Variants in LRMDA observed in about 807,000 individuals in gnomAD.
LRMDA encodes leucine-rich melanocyte differentiation-associated protein.
In LRMDA, 18 loss-of-function variants were observed where a neutral mutation model predicts 29.8. The ratio of observed to expected loss-of-function variants is 0.60; its 90% confidence interval spans 0.42 to 0.90. The LOEUF (loss-of-function observed/expected upper bound fraction) is 0.90, where lower values mean the gene tolerates loss of function less well. Ranked by LOEUF, LRMDA falls within the 40% of genes least tolerant of loss-of-function variation. The probability of loss-of-function intolerance (pLI) is 0.00; values close to 1 mark genes in which losing one functional copy is unlikely to be tolerated. For missense variants in LRMDA, 273 were observed against 273.9 expected, an observed-to-expected ratio of 1.00 and a Z score of 0.02; for synonymous variants, 125 against 109.4, an observed-to-expected ratio of 1.14 and a Z score of -0.89.
At chr10:75,854,400 G>A (rs2132314327) in intron 2 of LRMDA, among the ~76,000 whole-genome samples, 1 of 151,858 alleles carries the variant, frequency 6.6e-6, no homozygotes, top group Non-Finnish European at 1.5e-5. Context: ...TATTAATATT[G>A]GCCACCCCCC....
At chr10:75,938,116 T>G (rs993282963) in intron 2 of LRMDA, among the ~76,000 whole-genome samples, 2 of 152,164 alleles carry the variant, frequency 1.3e-5, no homozygotes, top group African/African-American at 4.8e-5. Context: ...TTTCTTTAGG[T>G]CTCTCCTTTC....
chr10:75,660,935 T>C (rs1244045059), intron 2 of LRMDA, among the ~76,000 whole-genome samples: 1 of 152,220 alleles, frequency 6.6e-6, no homozygotes, highest in Non-Finnish European at 1.5e-5. Context: ...TGCTCTGTCT[T>C]GAACTCAGAA....
intron 2 of LRMDA, among the ~76,000 whole-genome samples, chr10:75,641,673 C>G (rs900028761): frequency 6.6e-6 from 1 of 151,918 alleles, no homozygotes; most frequent in Non-Finnish European, 1.5e-5. Flanking sequence ...TTCCTGGGCT[C>G]AAGCTGTCTT....
At chr10:75,531,087 C>T (rs1845472210) in intron 2 of LRMDA, among the ~76,000 whole-genome samples, 1 of 152,190 alleles carries the variant, frequency 6.6e-6, no homozygotes, top group African/African-American at 2.4e-5. Context: ...CTGGGCATGT[C>T]TCTTGAGTGT....
intron 6 of LRMDA, among the ~76,000 whole-genome samples, chr10:76,511,554 T>C (rs541297084): frequency 6.6e-6 from 1 of 152,152 alleles, no homozygotes; most frequent in South Asian, 2.1e-4. Context: ...AAGATCAATA[T>C]GTGAAAAATC....
In LRMDA at chr10:75,605,640, G is replaced by C. The variant is rs1356848776; in HGVS notation, c.131+167146G>C. On this transcript the variant is annotated intron_variant, in intron 2 of 6. Coordinates refer to ENST00000611255, the MANE Select transcript of LRMDA (RefSeq NM_001305581.2). ...CCTCCTGCCGCTGCTCTAATGTTAA[G>C]AGTGATTGGAATGAAAATAATTATC... is the stretch of plus-strand genomic sequence containing the variant. 2.9e-4 allele frequency among the ~76,000 whole-genome samples: 44 copies of C among 152,186 alleles called. 1 individual carries two copies.
At chr10:76,451,501 G>A (rs1482810747) in intron 6 of LRMDA, among the ~76,000 whole-genome samples, 4 of 151,830 alleles carry the variant, frequency 2.6e-5, no homozygotes, top group Admixed American at 6.6e-5. Flanking sequence ...CACTGCACCC[G>A]GCCTCTGATT....
intron 2 of LRMDA, among the ~76,000 whole-genome samples, chr10:75,895,096 C>G (rs1378746916): frequency 6.6e-6 from 1 of 152,094 alleles, no homozygotes; most frequent in Non-Finnish European, 1.5e-5. Flanking sequence ...GAATTTTATC[C>G]TGAAAGCCAC....
At chr10:75,551,455 T>C (rs906718013) in intron 2 of LRMDA, among the ~76,000 whole-genome samples, 10 of 152,064 alleles carry the variant, frequency 6.6e-5, no homozygotes, top group Non-Finnish European at 1.3e-4. Flanking sequence ...ATCTACATTA[T>C]GTATGTCTTC....
At position 75,472,607 on chromosome 10, in the gene LRMDA, G is replaced by A. The variant is rs184930103; in HGVS notation, c.131+34113G>A. ...GCTCATTCAATGGTTATTGAGTTGCGTTATTGGACAGTTTCCTTTATGGGG... is the reference window on the plus strand; with the variant it reads ...GCTCATTCAATGGTTATTGAGTTGCATTATTGGACAGTTTCCTTTATGGGG... On this transcript the variant is annotated intron_variant, in intron 2 of 6. Coordinates refer to ENST00000611255, the MANE Select transcript of LRMDA (RefSeq NM_001305581.2). 2.6e-4 allele frequency among the ~76,000 whole-genome samples: 39 copies of A among 152,338 alleles called. No homozygotes were observed. The East Asian group carries it at 5.8e-3, about 23-fold the overall frequency.
intron 5 of LRMDA, among the ~76,000 whole-genome samples, chr10:76,216,142 C>T (rs1403930484): frequency 6.6e-6 from 1 of 152,070 alleles, no homozygotes; most frequent in Admixed American, 6.6e-5. Context: ...TTGCTTAAGG[C>T]CAGGAGTTAG....
chr10:75,684,669 A>G (rs1842062207), intron 2 of LRMDA, among the ~76,000 whole-genome samples: 1 of 152,190 alleles, frequency 6.6e-6, no homozygotes, highest in Non-Finnish European at 1.5e-5. Flanking sequence ...TTCTTGTGAC[A>G]TTATAACTCC....
intron 2 of LRMDA, among the ~76,000 whole-genome samples, chr10:75,684,498 TAAATAA>T (rs1842060424): frequency 6.6e-6 from 1 of 152,162 alleles, no homozygotes; most frequent in Non-Finnish European, 1.5e-5. Context: ...TCCTAAGTCT[TAAATAA>T]AAATAAATAT....
chr10:76,527,243 T>C (rs1230387556), intron 6 of LRMDA, among the ~76,000 whole-genome samples: 4 of 152,188 alleles, frequency 2.6e-5, no homozygotes, highest in South Asian at 4.1e-4. Context: ...CTGAGGGCAC[T>C]TAACAGTTGG....
At chr10:75,534,757 G>A (rs1839925561) in intron 2 of LRMDA, among the ~76,000 whole-genome samples, 1 of 152,130 alleles carries the variant, frequency 6.6e-6, no homozygotes, top group South Asian at 2.1e-4. Context: ...AATAATTCAA[G>A]CTTGAGTTTT....
At chr10:75,571,464 C>T (rs1840436625) in intron 2 of LRMDA, among the ~76,000 whole-genome samples, 1 of 152,080 alleles carries the variant, frequency 6.6e-6, no homozygotes, top group African/African-American at 2.4e-5. Flanking sequence ...TTCATCCTTG[C>T]TGGGAAAAGC....
At chr10:75,903,747 G>T (rs139135199) in intron 2 of LRMDA, among the ~76,000 whole-genome samples, 1 of 152,308 alleles carries the variant, frequency 6.6e-6, no homozygotes, top group African/African-American at 2.4e-5. Flanking sequence ...GCTTTTAACA[G>T]AGCTCCCGTT....
intron 2 of LRMDA, among the ~76,000 whole-genome samples, chr10:75,799,263 A>T (rs1027611807): frequency 6.6e-6 from 1 of 152,170 alleles, no homozygotes; most frequent in South Asian, 2.1e-4. Flanking sequence ...ACACATATTT[A>T]TGATTCGTAT....
intron 2 of LRMDA, among the ~76,000 whole-genome samples, chr10:75,658,606 A>G (rs929563888): frequency 6.6e-6 from 1 of 152,344 alleles, no homozygotes; most frequent in East Asian, 1.9e-4. Context: ...TTCTGCAGAA[A>G]GAACCCCATT....
Sources: allele counts gnomAD v4.1 joint callset (sites outside exome capture counted in the v4.1 genomes callset), GRCh38; gene constraint gnomAD v4.1.1; transcripts MANE v1.5; gene names NCBI Gene and HGNC (gene_info 2026-07-23, HGNC 2026-07-21).